Variants in PHACTR4 observed in about 807,000 individuals in gnomAD.
PHACTR4 encodes protein phosphatase 1, regulatory subunit 124.
In PHACTR4, 51 loss-of-function variants were observed where a neutral mutation model predicts 72.7. That is an observed-to-expected ratio of 0.70 (90% CI 0.56 to 0.89). The LOEUF is 0.89. PHACTR4 is among the 40% of genes least tolerant of loss of function. The pLI is 0.00. For missense variants in PHACTR4, 731 were observed against 861.8 expected (o/e 0.85, Z 1.90); for synonymous variants, 255 against 302.5 (o/e 0.84, Z 1.63).
chr1:28,381,686 G>C (rs911162384), intron 1 of PHACTR4, among the ~76,000 whole-genome samples: 1 of 152,082 alleles, frequency 6.6e-6, no homozygotes, highest in Non-Finnish European at 1.5e-5. Flanking sequence ...TTCTCTAATG[G>C]TCAGTGATGT....
At chr1:28,393,638 A>G (rs1224675872) in intron 1 of PHACTR4, among the ~76,000 whole-genome samples, 2 of 152,140 alleles carry the variant, frequency 1.3e-5, no homozygotes, top group African/African-American at 4.8e-5. Flanking sequence ...TTACTGGTTT[A>G]TATATTTACT....
chr1:28,420,445 CCTT>C (rs1655440285), intron 2 of PHACTR4, among the ~76,000 whole-genome samples: 1 of 152,164 alleles, frequency 6.6e-6, no homozygotes. Flanking sequence ...CCTTGCTTCT[CCTT>C]CACCTCCCAC....
At position 28,499,226 on chromosome 1, in the gene PHACTR4, C is replaced by T. The variant is rs1661532028; in HGVS notation, c.*2677C>T. The T allele has an allele frequency of 6.6e-6, 1 of 151,984 alleles. No homozygotes were observed. The highest frequency in any genetic ancestry group is 1.5e-5 in the Non-Finnish European group (1 of 68,110). 9.4% of individuals were successfully genotyped at this position (151,984 alleles called of 1,614,324 possible). A position where few individuals can be genotyped will look rare whatever the true frequency, so the allele number is the denominator to read the frequency against. ...TCTCAGCTCACTGCAACCTCCGCCT[C>T]CCGGGTTGAGGCGATTCTCCTACCT... On this transcript the variant is annotated 3_prime_UTR_variant, in exon 14 of 14. Coordinates refer to ENST00000373839, the MANE Select transcript of PHACTR4 (RefSeq NM_001048183.3).
chr1:28,473,968 C>G lies in PHACTR4; in HGVS notation c.1238C>G (p.Pro413Arg), dbSNP rs1249921558. The change falls in exon 7 of 14, where the codon CCT becomes CGT. Residue 413 changes from proline to arginine, a missense_variant. By Grantham distance (103) the Pro-to-Arg change is moderately radical (BLOSUM62 -2). Transcript: ENST00000373839. ...GAGCCCCATATACCCTCTAGGCTGC[C>G]TCCACTCCCACTGCATATTCGAATC... ...FGEPHIPSRL[P>R]PLPLHIRIQQ... 1 of 1,614,152 alleles carries G rather than the reference C, an allele frequency of 6.2e-7. No individual in the cohort carries two copies.
At chr1:28,400,204 C>A (rs919815362) in intron 1 of PHACTR4, among the ~76,000 whole-genome samples, 3 of 152,040 alleles carry the variant, frequency 2.0e-5, no homozygotes, top group African/African-American at 4.8e-5. Flanking sequence ...GAAACCCCAT[C>A]TCTTCTAAAA....
intron 2 of PHACTR4, among the ~76,000 whole-genome samples, chr1:28,442,292 T>C (rs1177995497): frequency 2.0e-5 from 3 of 151,766 alleles, no homozygotes; most frequent in African/African-American, 4.8e-5. Flanking sequence ...GGTGAAACCC[T>C]GTCTCTACTA....
chr1:28,469,571 A>G (rs1055237184), intron 6 of PHACTR4, among the ~76,000 whole-genome samples: 1 of 152,208 alleles, frequency 6.6e-6, no homozygotes, highest in Non-Finnish European at 1.5e-5. Flanking sequence ...ATTAATTCAA[A>G]AGTAAAAATA....
At position 28,369,772 on chromosome 1, in the gene PHACTR4, G is replaced by A; in HGVS notation, c.-92G>A. On this transcript the variant is annotated 5_prime_UTR_variant, in exon 1 of 14. Coordinates refer to ENST00000373839, the MANE Select transcript of PHACTR4 (RefSeq NM_001048183.3). ...TGCCTGGCGGCCAACGGGCCAGGTA[G>A]GATTTCCGGGAGAGGCTGCTGTGGA... The A allele has an allele frequency of 2.2e-6, 1 of 452,528 alleles. No individual in the cohort carries two copies. Among genetic ancestry groups the A allele is most frequent in the South Asian group, 1.6e-5 (1 of 63,748 alleles). 28.0% of individuals were successfully genotyped at this position (452,528 alleles called of 1,614,324 possible). A position where few individuals can be genotyped will look rare whatever the true frequency, so the allele number is the denominator to read the frequency against.
chr1:28,385,614 ATTTTTT>A (rs1225303255), intron 1 of PHACTR4, among the ~76,000 whole-genome samples: 3 of 126,940 alleles, frequency 2.4e-5, no homozygotes, highest in Non-Finnish European at 4.8e-5. Context: ...TTTTAAGTGA[ATTTTTT>A]TTTTTTTTTT....
chr1:28,445,030 A>G (rs893351416), intron 2 of PHACTR4, among the ~76,000 whole-genome samples: 3 of 151,534 alleles, frequency 2.0e-5, no homozygotes, highest in South Asian at 4.2e-4. Flanking sequence ...ATTTCAGCTC[A>G]CTGCAACCTC....
At chr1:28,437,376 C>T (rs1026373532) in intron 2 of PHACTR4, among the ~76,000 whole-genome samples, 1 of 152,136 alleles carries the variant, frequency 6.6e-6, no homozygotes, top group African/African-American at 2.4e-5. Flanking sequence ...ACTACTGGCA[C>T]ATGCCACCAT....
At position 28,473,793 on chromosome 1, in the gene PHACTR4, C is replaced by A. The variant is rs1213508629; in HGVS notation, c.1063C>A (p.Pro355Thr). Residue 355 changes from proline (P) to threonine (T), a missense_variant, in exon 7 of 14, where the codon CCT becomes ACT. Physicochemically the swap from Pro to Thr is conservative, Grantham distance 38 (BLOSUM62 -1). Coordinates refer to ENST00000373839, the MANE Select transcript of PHACTR4 (RefSeq NM_001048183.3). ...PPLPTHIPPE[P>T]PRTPPFPAKT... ...ACTGCCTACTCATATACCTCCAGAG[C>A]CTCCACGCACCCCTCCATTCCCTGC... 4 of 1,613,980 alleles carry A rather than the reference C, an allele frequency of 2.5e-6. No homozygotes were observed. The highest frequency in any genetic ancestry group is 3.4e-6 in the Non-Finnish European group (4 of 1,180,038).
At chr1:28,469,265 A>G (rs748698407) in intron 6 of PHACTR4, among the ~76,000 whole-genome samples, 42 of 152,300 alleles carry the variant, frequency 2.8e-4, no homozygotes, top group Middle Eastern at 6.8e-3. Flanking sequence ...AAAAAAACCA[A>G]CAATCTGAGG....
At chr1:28,490,674 T>C (rs530967260) in intron 10 of PHACTR4, among the ~76,000 whole-genome samples, 8 of 151,830 alleles carry the variant, frequency 5.3e-5, no homozygotes, top group African/African-American at 1.9e-4. Context: ...GATGAAACTC[T>C]GTCTCTACTA....
intron 8 of PHACTR4, among the ~76,000 whole-genome samples, chr1:28,479,627 T>C (rs1056989422): frequency 6.7e-6 from 1 of 149,776 alleles, no homozygotes; most frequent in African/African-American, 2.5e-5. Context: ...GGCTCACGCC[T>C]ATAATCCCTG....
chr1:28,468,110 T>C (rs1449706687), intron 6 of PHACTR4, among the ~76,000 whole-genome samples: 1 of 152,076 alleles, frequency 6.6e-6, no homozygotes, highest in East Asian at 1.9e-4. Flanking sequence ...CAGTTTGGAG[T>C]AGCTTGATGA....
At chr1:28,489,794 C>G (rs1570114070) in intron 10 of PHACTR4, 1 of 518,934 alleles carries the variant, frequency 1.9e-6, no homozygotes, top group East Asian at 5.4e-5. Context: ...GAAATTTGGC[C>G]TTAAAAGTCT....
chr1:28,409,842 C>A (rs1029371098), intron 2 of PHACTR4, among the ~76,000 whole-genome samples: 6 of 151,940 alleles, frequency 3.9e-5, no homozygotes, highest in African/African-American at 1.5e-4. Flanking sequence ...CTTTCTTTCC[C>A]CCCTGAAGAG....
intron 8 of PHACTR4, among the ~76,000 whole-genome samples, chr1:28,478,278 C>T (rs563945851): frequency 9.2e-5 from 14 of 152,134 alleles, no homozygotes; most frequent in Non-Finnish European, 1.5e-4. Context: ...ATATACACCA[C>T]GTTTTCTTTA....
Sources: allele counts gnomAD v4.1 joint callset (sites outside exome capture counted in the v4.1 genomes callset), GRCh38; gene constraint gnomAD v4.1.1; transcripts MANE v1.5; gene names NCBI Gene and HGNC (gene_info 2026-07-23, HGNC 2026-07-21).